Variants in TAF3 observed in about 807,000 individuals in gnomAD.
TAF3 encodes the protein transcription initiation factor TFIID subunit 3.
A neutral mutation model predicts 80.6 loss-of-function variants in TAF3; 7 were observed. That is an observed-to-expected ratio of 0.09 (90% CI 0.05 to 0.16). The LOEUF is 0.16. Among genes scored for constraint, TAF3 ranks in the 10% least tolerant of loss-of-function variants. TAF3 has a pLI of 1.00. For synonymous variants in TAF3, 444 were observed against 446.1 expected (o/e 1.00, Z 0.06); for missense variants, 921 against 1,140.2 (o/e 0.81, Z 2.77).
chr10:7,914,221 G>A (rs148538084), intron 2 of TAF3, among the ~76,000 whole-genome samples: 12 of 152,156 alleles, frequency 7.9e-5, no homozygotes, highest in South Asian at 4.1e-4. Flanking sequence ...TTAGAAATAC[G>A]TATGGAATTA....
intron 2 of TAF3, among the ~76,000 whole-genome samples, chr10:7,857,390 A>G (rs965635122): frequency 5.9e-5 from 9 of 152,194 alleles, no homozygotes; most frequent in Non-Finnish European, 8.8e-5. Flanking sequence ...CTGCCCCCTT[A>G]AACAGTCTGT....
chr10:7,983,051 C>T (rs1463738439), intron 4 of TAF3, among the ~76,000 whole-genome samples: 1 of 151,650 alleles, frequency 6.6e-6, no homozygotes, highest in Non-Finnish European at 1.5e-5. Context: ...GATGTGACTT[C>T]GGCGGGGCCA....
chr10:7,929,989 C>T (rs1483307169), intron 2 of TAF3, among the ~76,000 whole-genome samples: 3 of 152,106 alleles, frequency 2.0e-5, no homozygotes, highest in Non-Finnish European at 2.9e-5. Flanking sequence ...ATTGTTTGAG[C>T]CCAGGACTTC....
chr10:7,932,048 A>C (rs1837873570), intron 2 of TAF3, among the ~76,000 whole-genome samples: 1 of 152,200 alleles, frequency 6.6e-6, no homozygotes, highest in Non-Finnish European at 1.5e-5. Flanking sequence ...AGATACAGAA[A>C]TGCAGAGATC....
intron 2 of TAF3, among the ~76,000 whole-genome samples, chr10:7,893,412 A>C (rs1364072324): frequency 6.6e-6 from 1 of 152,178 alleles, no homozygotes; most frequent in Non-Finnish European, 1.5e-5. Context: ...AACAGAGAAG[A>C]AGCAGGGAGG....
At chr10:7,951,258 C>T (rs1057172844) in intron 2 of TAF3, among the ~76,000 whole-genome samples, 3 of 152,214 alleles carry the variant, frequency 2.0e-5, no homozygotes, top group East Asian at 3.8e-4. Flanking sequence ...CAAACTTTAG[C>T]AGCTTAAAAC....
intron 2 of TAF3, among the ~76,000 whole-genome samples, chr10:7,863,984 G>T (rs1837183598): frequency 6.6e-6 from 1 of 151,996 alleles, no homozygotes; most frequent in African/African-American, 2.4e-5. Context: ...AAAGTACAGA[G>T]TTCCTAAATT....
At chr10:8,005,127 A>G (rs951985876) in intron 4 of TAF3, among the ~76,000 whole-genome samples, 1 of 152,202 alleles carries the variant, frequency 6.6e-6, no homozygotes, top group Non-Finnish European at 1.5e-5. Flanking sequence ...GTGACTTCCT[A>G]CGACCTATAT....
At position 7,965,547 on chromosome 10, in the gene TAF3, A is replaced by G. The variant is rs1007326000; in HGVS notation, c.2037A>G (p.Pro679=). The G allele has an allele frequency of 1.2e-6, 2 of 1,601,172 alleles. No individual in the cohort carries two copies. Among genetic ancestry groups the G allele is most frequent in the Admixed American group, 3.5e-5 (2 of 56,550 alleles). The change falls in exon 3 of 7, where the codon CCA becomes CCG. Residue 679 remains proline, a synonymous_variant. Coordinates refer to ENST00000344293, the MANE Select transcript of TAF3 (RefSeq NM_031923.4). The part of the protein sequence containing the change: ...ATASRVPAML[P]SLLPVLPEKL... ...CCTCCAGGGTCCCAGCCATGCTGCC[A>G]TCTTTGTTGCCAGTGCTTCCGGAAA...
intron 2 of TAF3, among the ~76,000 whole-genome samples, chr10:7,854,904 T>C (rs75063993): frequency 0.033 from 5,005 of 152,304 alleles, 119 homozygotes; most frequent in South Asian, 0.085. Flanking sequence ...AAGTGGTATT[T>C]GTTAAACACT....
At chr10:7,931,422 C>G (rs148625925) in intron 2 of TAF3, among the ~76,000 whole-genome samples, 1 of 151,998 alleles carries the variant, frequency 6.6e-6, no homozygotes, top group Admixed American at 6.6e-5. Flanking sequence ...TTTTCCCCTG[C>G]GATAGATTTT....
At chr10:7,890,139 G>C (rs1052651121) in intron 2 of TAF3, among the ~76,000 whole-genome samples, 1 of 152,172 alleles carries the variant, frequency 6.6e-6, no homozygotes, top group African/African-American at 2.4e-5. Context: ...ACTTCGCTGG[G>C]ACTTTTCTCT....
At chr10:7,959,163 CAA>C (rs749821969) in intron 2 of TAF3, among the ~76,000 whole-genome samples, 6,804 of 96,128 alleles carry the variant, frequency 0.071, 161 homozygotes, top group Non-Finnish European at 0.073. Context: ...CACACACACA[CAA>C]AAAAAGTTTC....
intron 1 of TAF3, 117 bp from the exon 2 acceptor site, chr10:7,824,200 AC>A: frequency 8.7e-7 from 1 of 1,150,638 alleles, no homozygotes; most frequent in South Asian, 1.7e-5. Flanking sequence ...CTTTCCAATA[AC>A]TAGGTTAAAA....
At chr10:7,945,988 A>G (rs897194102) in intron 2 of TAF3, among the ~76,000 whole-genome samples, 1 of 152,154 alleles carries the variant, frequency 6.6e-6, no homozygotes, top group Non-Finnish European at 1.5e-5. Context: ...GAATGAATGG[A>G]TGGATGAGAT....
At chr10:7,898,985 A>G (rs893529022) in intron 2 of TAF3, among the ~76,000 whole-genome samples, 1 of 152,158 alleles carries the variant, frequency 6.6e-6, no homozygotes, top group Non-Finnish European at 1.5e-5. Flanking sequence ...CCTTTTCTTT[A>G]AAAACCATTA....
chr10:7,930,725 T>G (rs1837860577), intron 2 of TAF3, among the ~76,000 whole-genome samples: 1 of 152,172 alleles, frequency 6.6e-6, no homozygotes, highest in Non-Finnish European at 1.5e-5. Flanking sequence ...GAAAATAATT[T>G]TGATTAATTT....
chr10:7,859,439 A>T (rs916230127), intron 2 of TAF3, among the ~76,000 whole-genome samples: 43 of 152,256 alleles, frequency 2.8e-4, no homozygotes, highest in African/African-American at 7.9e-4. Context: ...CCTTTTCTTC[A>T]GTCCATTCCA....
intron 2 of TAF3, among the ~76,000 whole-genome samples, chr10:7,948,367 G>T (rs750265069): frequency 4.6e-5 from 7 of 151,818 alleles, no homozygotes; most frequent in Non-Finnish European, 7.4e-5. Context: ...GGGATTACAG[G>T]CATGAACCAG....
Sources: allele counts gnomAD v4.1 joint callset (sites outside exome capture counted in the v4.1 genomes callset), GRCh38; gene constraint gnomAD v4.1.1; transcripts MANE v1.5; gene names NCBI Gene and HGNC (gene_info 2026-07-23, HGNC 2026-07-21).